The following GARRE1 variants were observed in gnomAD, a reference collection of about 807,000 sequenced individuals.
The protein encoded by GARRE1 is granule associated Rac and RHOG effector protein 1.
Under a neutral mutation model 103.2 loss-of-function variants are expected in GARRE1, and 49 were observed. The observed-to-expected ratio is 0.47, with a 90% CI of 0.38 to 0.60. The LOEUF (loss-of-function observed/expected upper bound fraction) is 0.60, where lower values mean the gene tolerates loss of function less well. Among genes scored for constraint, GARRE1 ranks in the 20% least tolerant of loss-of-function variants. The probability of loss-of-function intolerance (pLI) is 0.00; values close to 1 mark genes in which losing one functional copy is unlikely to be tolerated. For missense variants in GARRE1, 1,199 were observed against 1,370.5 expected, an observed-to-expected ratio of 0.87 and a Z score of 1.98; for synonymous variants, 505 against 532.8, an observed-to-expected ratio of 0.95 and a Z score of 0.72.
At chr19:34,321,106 G>A (rs2074086179) in intron 3 of GARRE1, among the ~76,000 whole-genome samples, 1 of 130,988 alleles carries the variant, frequency 7.6e-6, no homozygotes, top group Non-Finnish European at 1.6e-5. Context: ...CCCCAAGCTG[G>A]AGTGCAGTGG....
chr19:34,338,990 G>A (rs1409186692), intron 8 of GARRE1, among the ~76,000 whole-genome samples: 1 of 152,148 alleles, frequency 6.6e-6, no homozygotes, highest in African/African-American at 2.4e-5. Context: ...ACAAGGTGGC[G>A]AGAAGTGCTT....
At chr19:34,329,123 A>G (rs1011900330) in intron 6 of GARRE1, among the ~76,000 whole-genome samples, 3 of 152,190 alleles carry the variant, frequency 2.0e-5, no homozygotes, top group Non-Finnish European at 4.4e-5. Flanking sequence ...GTCTCACTTA[A>G]TGCTCACCCA....
chr19:34,351,208 A>T (rs1017397524), intron 12 of GARRE1, among the ~76,000 whole-genome samples: 3 of 127,842 alleles, frequency 2.3e-5, no homozygotes, highest in Non-Finnish European at 3.2e-5. Context: ...AAAAAAAAAA[A>T]AAAAATAAAA....
In GARRE1 at chr19:34,353,826, T is replaced by C. The variant is rs2074254622; in HGVS notation, c.*871T>C. The stretch of plus-strand genomic sequence containing the variant: ...TCCTCGGGGTGTGGTCAAGGGGCAC[T>C]CAGAGACACCTGCACTAGAAATTGC... On this transcript the variant is annotated 3_prime_UTR_variant, in exon 14 of 14. Coordinates refer to ENST00000299505, the MANE Select transcript of GARRE1 (RefSeq NM_014686.5). The C allele has an allele frequency of 6.6e-6, 1 of 152,372 alleles. No homozygotes were observed. The highest frequency in any genetic ancestry group is 1.5e-5 in the Non-Finnish European group (1 of 68,034). The allele number at this position is 152,372 out of a possible 1,614,324, so 9.4% of individuals were successfully genotyped here.
intron 10 of GARRE1, among the ~76,000 whole-genome samples, chr19:34,344,270 AC>A (rs1460122698): frequency 1.3e-5 from 2 of 152,226 alleles, no homozygotes; most frequent in African/African-American, 4.8e-5. Flanking sequence ...TATAGCAAAT[AC>A]TTGTACAAGT....
chr19:34,272,633 C>T (rs2073794541), intron 1 of GARRE1, among the ~76,000 whole-genome samples: 4 of 152,188 alleles, frequency 2.6e-5, no homozygotes, highest in Non-Finnish European at 2.9e-5. Flanking sequence ...AGAGAGAGGT[C>T]ACTTTTCATT....
intron 2 of GARRE1, among the ~76,000 whole-genome samples, chr19:34,317,005 C>T (rs1038796000): frequency 6.6e-6 from 1 of 152,234 alleles, no homozygotes; most frequent in Non-Finnish European, 1.5e-5. Context: ...ACCTCATTCT[C>T]CCCAGGGGTG....
intron 6 of GARRE1, 52 bp downstream of exon 6, chr19:34,328,203 C>T (rs182691142): frequency 5.7e-6 from 9 of 1,581,536 alleles, no homozygotes; most frequent in Admixed American, 1.7e-5. Flanking sequence ...AAATAGAGTT[C>T]TTAAGAGAAA....
chr19:34,282,685 A>G (rs780731571), intron 1 of GARRE1, among the ~76,000 whole-genome samples: 35 of 152,162 alleles, frequency 2.3e-4, no homozygotes, highest in Non-Finnish European at 3.8e-4. Flanking sequence ...CTGTTTTTCA[A>G]TAGTCCTCTT....
chr19:34,301,906 A>G (rs1215057341), intron 2 of GARRE1, among the ~76,000 whole-genome samples: 1 of 144,212 alleles, frequency 6.9e-6, no homozygotes, highest in African/African-American at 2.6e-5. Context: ...GATGGTCTCG[A>G]TCTCCTGACC....
At chr19:34,256,353 A>G (rs1171835300) in intron 1 of GARRE1, among the ~76,000 whole-genome samples, 1 of 151,662 alleles carries the variant, frequency 6.6e-6, no homozygotes, top group Non-Finnish European at 1.5e-5. Context: ...TTCAACTAAA[A>G]AAATACAAAA....
At chr19:34,306,736 A>G (rs987358488) in intron 2 of GARRE1, among the ~76,000 whole-genome samples, 10 of 152,116 alleles carry the variant, frequency 6.6e-5, no homozygotes, top group Non-Finnish European at 1.5e-4. Flanking sequence ...AAATAAAATT[A>G]CTTTTTCAGT....
In GARRE1 at chr19:34,294,258, A is replaced by G. The variant is rs557038006; in HGVS notation, c.-795-5421A>G. On this transcript the variant is annotated intron_variant, in intron 1 of 13. Coordinates refer to ENST00000299505, the MANE Select transcript of GARRE1 (RefSeq NM_014686.5). ...AACATAGTGAGACCCTGTCTCTACA[A>G]AAAAAAAAAAAGAAAATTAGGTGGG... Among the ~76,000 whole-genome samples, 4 of 139,710 alleles carry G rather than the reference A, an allele frequency of 2.9e-5. No individual in the cohort carries two copies. The East Asian group carries it at 7.9e-4, about 28-fold the overall frequency. 91.7% of individuals were successfully genotyped at this position (139,710 alleles called of 152,430 possible). A position where few individuals can be genotyped will look rare whatever the true frequency, so the allele number is the denominator to read the frequency against.
chr19:34,279,069 G>A (rs1007175787), intron 1 of GARRE1, among the ~76,000 whole-genome samples: 9 of 152,066 alleles, frequency 5.9e-5, no homozygotes, highest in African/African-American at 1.9e-4. Context: ...TCCACCTTTT[G>A]ACTATTATGA....
intron 1 of GARRE1, among the ~76,000 whole-genome samples, chr19:34,260,522 AT>A (rs1465456809): frequency 8.7e-6 from 1 of 115,464 alleles, no homozygotes; most frequent in African/African-American, 4.6e-5. Flanking sequence ...TGGTAATATC[AT>A]TTTTTTATTT....
intron 1 of GARRE1, 94 bp downstream of exon 1, chr19:34,254,708 A>T (rs1319579079): frequency 6.8e-6 from 1 of 146,286 alleles, no homozygotes; most frequent in Non-Finnish European, 1.5e-5. Context: ...CAGCCAGGGC[A>T]GACGGCGAGA....
At chr19:34,339,295 AT>A (rs764762097) in intron 8 of GARRE1, among the ~76,000 whole-genome samples, 4 of 152,200 alleles carry the variant, frequency 2.6e-5, no homozygotes, top group Non-Finnish European at 5.9e-5. Flanking sequence ...CAGGTTTGAT[AT>A]TTTGCTATAA....
chr19:34,307,156 A>C (rs565778754), intron 2 of GARRE1, among the ~76,000 whole-genome samples: 1 of 152,224 alleles, frequency 6.6e-6, no homozygotes, highest in East Asian at 1.9e-4. Context: ...AAGGGTAAAG[A>C]GGGGCCACTC....
chr19:34,279,734 C>G (rs966284339), intron 1 of GARRE1, among the ~76,000 whole-genome samples: 18 of 151,910 alleles, frequency 1.2e-4, no homozygotes, highest in African/African-American at 4.1e-4. Context: ...GCCTGTAATC[C>G]CAGCACTTTG....
Sources: gnomAD v4.1 joint callset for allele counts (sites outside exome capture counted in the v4.1 genomes callset) on GRCh38, gnomAD v4.1.1 for gene constraint, MANE v1.5 for transcripts, NCBI Gene and HGNC (gene_info 2026-07-23, HGNC 2026-07-21) for gene names.